The following WWOX variants were observed in gnomAD, a reference collection of about 807,000 sequenced individuals.
WWOX encodes the protein WW domain containing oxidoreductase, also known as WW domain-containing oxidoreductase.
In WWOX, 69 loss-of-function variants were observed where a neutral mutation model predicts 46.2. That is an observed-to-expected ratio of 1.49 (90% confidence interval 1.23 to 1.82). WWOX has a LOEUF of 1.82. Among genes scored for constraint, WWOX ranks in the 40% most tolerant of loss-of-function variants. WWOX has a pLI of 0.00. For missense variants in WWOX, 919 were observed against 542.6 expected (o/e 1.69, Z -6.89); for synonymous variants, 359 against 202.6 (o/e 1.77, Z -6.56).
At chr16:78,643,254 C>T (rs1352571947) in intron 8 of WWOX, among the ~76,000 whole-genome samples, 1 of 152,184 alleles carries the variant, frequency 6.6e-6, no homozygotes, top group Non-Finnish European at 1.5e-5. Flanking sequence ...GAATAATTAT[C>T]ATCTATCAAA....
rs905901589 is a variant in WWOX at position 78,414,477 on chromosome 16, G to A, written c.606-10393G>A. Among the ~76,000 whole-genome samples the A allele has an allele frequency of 1.1e-4, 17 of 152,322 alleles. 1 individual carries two copies. The highest frequency in any genetic ancestry group is 5.2e-4 in the Admixed American group (8 of 15,304). ...CCAGCTACTCAGGAGGTTGAGGCACGAGGATCACTTAAACCCAGGAGGAGG... is the reference window on the plus strand; with the variant it reads ...CCAGCTACTCAGGAGGTTGAGGCACAAGGATCACTTAAACCCAGGAGGAGG... On this transcript the variant is annotated intron_variant, in intron 6 of 8. Coordinates refer to ENST00000566780, the MANE Select transcript of WWOX (RefSeq NM_016373.4).
intron 8 of WWOX, among the ~76,000 whole-genome samples, chr16:78,809,833 C>G (rs911610645): frequency 5.9e-5 from 9 of 152,050 alleles, no homozygotes; most frequent in Non-Finnish European, 1.3e-4. Flanking sequence ...GGTCACTGTT[C>G]CCAGGGGATG....
At chr16:78,798,418 G>A (rs953856703) in intron 8 of WWOX, among the ~76,000 whole-genome samples, 6 of 152,172 alleles carry the variant, frequency 3.9e-5, no homozygotes, top group Admixed American at 1.3e-4. Context: ...AAACTGGTGC[G>A]ATGCGGGAAC....
intron 8 of WWOX, among the ~76,000 whole-genome samples, chr16:78,724,148 CTT>C (rs1383782184): frequency 6.6e-6 from 1 of 152,188 alleles, no homozygotes; most frequent in East Asian, 1.9e-4. Context: ...TTTAGCCAGT[CTT>C]TGCCACATCC....
intron 5 of WWOX, among the ~76,000 whole-genome samples, chr16:78,180,108 T>G (rs1390411670): frequency 6.6e-6 from 1 of 152,246 alleles, no homozygotes; most frequent in African/African-American, 2.4e-5. Context: ...ATCATCTACC[T>G]TGTAGCTTGT....
At chr16:78,561,957 G>A (rs1410987841) in intron 8 of WWOX, among the ~76,000 whole-genome samples, 1 of 137,028 alleles carries the variant, frequency 7.3e-6, no homozygotes, top group African/African-American at 3.1e-5. Context: ...AGGAAAAAGC[G>A]CAATGACTTT....
At chr16:78,488,625 T>C (rs1178145100) in intron 8 of WWOX, among the ~76,000 whole-genome samples, 1 of 152,142 alleles carries the variant, frequency 6.6e-6, no homozygotes, top group African/African-American at 2.4e-5. Flanking sequence ...ATATACAATG[T>C]CAGTGCTCTG....
intron 8 of WWOX, among the ~76,000 whole-genome samples, chr16:78,713,667 G>A (rs1293111992): frequency 1.3e-5 from 2 of 152,198 alleles, no homozygotes; most frequent in Non-Finnish European, 2.9e-5. Context: ...CATTGAGGAG[G>A]TGGCTGTCTG....
intron 8 of WWOX, among the ~76,000 whole-genome samples, chr16:79,098,680 T>C (rs2049127991): frequency 6.6e-6 from 1 of 152,180 alleles, no homozygotes; most frequent in Non-Finnish European, 1.5e-5. Flanking sequence ...GAAGAAGGAA[T>C]TGCACACAAT....
At chr16:79,087,093 A>G (rs188049849) in intron 8 of WWOX, among the ~76,000 whole-genome samples, 7 of 152,202 alleles carry the variant, frequency 4.6e-5, no homozygotes, top group Non-Finnish European at 8.8e-5. Flanking sequence ...TGATGGAGTA[A>G]GGATGGAGAT....
At chr16:79,025,761 A>G (rs959991159) in intron 8 of WWOX, among the ~76,000 whole-genome samples, 2 of 136,906 alleles carry the variant, frequency 1.5e-5, no homozygotes, top group African/African-American at 5.5e-5. Context: ...TTCATCCTTC[A>G]TCTCCCCTGT....
chr16:78,775,179 C>G (rs2050159068), intron 8 of WWOX, among the ~76,000 whole-genome samples: 1 of 152,242 alleles, frequency 6.6e-6, no homozygotes, highest in South Asian at 2.1e-4. Flanking sequence ...CTGCCTGGCT[C>G]CTCTCCTCTC....
At chr16:79,174,017 A>G (rs568218948) in intron 8 of WWOX, among the ~76,000 whole-genome samples, 1 of 152,190 alleles carries the variant, frequency 6.6e-6, no homozygotes, top group Admixed American at 6.5e-5. Flanking sequence ...AACTGGCAGG[A>G]TACTGTATTT....
chr16:78,485,065 G>A (rs2084597243), intron 8 of WWOX, among the ~76,000 whole-genome samples: 1 of 152,040 alleles, frequency 6.6e-6, no homozygotes, highest in South Asian at 2.1e-4. Context: ...ATGAATGTTG[G>A]AAGTCCTTCC....
intron 8 of WWOX, among the ~76,000 whole-genome samples, chr16:78,499,989 G>A (rs2085021200): frequency 6.6e-6 from 1 of 152,176 alleles, no homozygotes; most frequent in Admixed American, 6.5e-5. Context: ...AATCTTTAAA[G>A]AAAGCAGTAG....
chr16:78,953,844 C>G (rs748300182), intron 8 of WWOX, among the ~76,000 whole-genome samples: 6 of 152,228 alleles, frequency 3.9e-5, no homozygotes, highest in African/African-American at 1.2e-4. Context: ...TCTCCACTCT[C>G]CTGTAGCATT....
At chr16:79,193,493 C>G (rs2051177674) in intron 8 of WWOX, among the ~76,000 whole-genome samples, 1 of 152,192 alleles carries the variant, frequency 6.6e-6, no homozygotes, top group Admixed American at 6.5e-5. Flanking sequence ...ACAGAGATGC[C>G]TTCTGCTCCC....
intron 8 of WWOX, among the ~76,000 whole-genome samples, chr16:78,489,293 G>A (rs967064947): frequency 5.3e-5 from 8 of 152,118 alleles, no homozygotes; most frequent in Admixed American, 1.3e-4. Flanking sequence ...GTTCTCTCCA[G>A]ACCCCCAGGT....
In WWOX at chr16:78,855,387, GA is replaced by G. The variant is rs1017455023; in HGVS notation, c.1057-356212del. On this transcript the variant is annotated intron_variant, in intron 8 of 8. Transcript: ENST00000566780. Reference sequence around the variant, plus strand: ...GACTAAAATTGTATGTTGCGGGGAGGAAAAAAAAACACTTTTGTTTGAAGAC... The same window carrying G: ...GACTAAAATTGTATGTTGCGGGGAGGAAAAAAAACACTTTTGTTTGAAGAC... Among the ~76,000 whole-genome samples, 13 of 149,060 alleles carry G rather than the reference GA, an allele frequency of 8.7e-5. No homozygotes were observed. The South Asian group carries it at 1.1e-3, about 12-fold the overall frequency.
Sources: gnomAD v4.1 joint callset for allele counts (sites outside exome capture counted in the v4.1 genomes callset) on GRCh38, gnomAD v4.1.1 for gene constraint, MANE v1.5 for transcripts, NCBI Gene and HGNC (gene_info 2026-07-23, HGNC 2026-07-21) for gene names.